CDT1: variants seen among roughly 807,000 people sequenced by gnomAD.
The protein encoded by CDT1 is chromatin licensing and DNA replication factor 1, also known as DNA replication factor Cdt1.
CDT1 carries 66 observed loss-of-function variants against 49.3 expected under a neutral mutation model. The ratio of observed to expected loss-of-function variants is 1.34; its 90% CI spans 1.10 to 1.64. The LOEUF (loss-of-function observed/expected upper bound fraction) is 1.64, where lower values mean the gene tolerates loss of function less well. CDT1 is among the 40% of genes most tolerant of loss of function. The probability of loss-of-function intolerance (pLI) is 0.00; values close to 1 mark genes in which losing one functional copy is unlikely to be tolerated. For synonymous variants in CDT1, 424 were observed against 347.4 expected, an observed-to-expected ratio of 1.22 and a Z score of -2.45; for missense variants, 958 against 807.7, an observed-to-expected ratio of 1.19 and a Z score of -2.26.
At chr16:88,804,351 G>A (rs1908762474) in intron 1 of CDT1, among the ~76,000 whole-genome samples, 194 bp from the exon 2 acceptor site, 1 of 152,168 alleles carries the variant, frequency 6.6e-6, no homozygotes, top group African/African-American at 2.4e-5. Flanking sequence ...GTCCGACCTG[G>A]AAACGGCCCC....
Position 88,807,275 on chromosome 16 carries a change from C to G in CDT1, c.1276-6C>G, listed in dbSNP as rs770408336. ...CCCACTAACCAGGTCCCGGTACCTG[C>G]TGCAGATCCGAGCCAAGGAGGCACA... On this transcript the variant is annotated splice_polypyrimidine_tract_variant and splice_region_variant and intron_variant, in intron 8 of 9. Coordinates refer to ENST00000301019, the MANE Select transcript of CDT1 (RefSeq NM_030928.4). The G allele has an allele frequency of 1.2e-5, 20 of 1,612,036 alleles. No homozygotes were observed. The highest frequency in any genetic ancestry group is 1.6e-5 in the Non-Finnish European group (19 of 1,179,882).
chr16:88,805,364 C>T (rs1908809818), intron 3 of CDT1, 76 bp from the exon 4 acceptor site: 1 of 1,560,858 alleles, frequency 6.4e-7, no homozygotes, highest in African/African-American at 1.4e-5. Context: ...GAGGGTCTCC[C>T]TGGCCGAGGG....
At position 88,808,397 on chromosome 16, in the gene CDT1, C is replaced by T; in HGVS notation, c.*119C>T. 8.2e-7 allele frequency: 1 copy of T among 1,225,838 alleles called. No homozygotes were observed. The highest frequency in any genetic ancestry group is 1.1e-6 in the Non-Finnish European group (1 of 887,586). The allele number at this position is 1,225,838 out of a possible 1,614,324, so 75.9% of individuals were successfully genotyped here. On this transcript the variant is annotated 3_prime_UTR_variant, in exon 10 of 10. Transcript: ENST00000301019. ...TTCCTTTCCCCAGCGCCCCTGAGGGCCAGAGGCAGATGTGGGCTGCAGGCT... is the reference window on the plus strand; with the variant it reads ...TTCCTTTCCCCAGCGCCCCTGAGGGTCAGAGGCAGATGTGGGCTGCAGGCT...
chr16:88,804,583 A>C lies in CDT1; in HGVS notation c.267A>C (p.Pro89=), dbSNP rs1415457143. The change falls in exon 2 of 10, where the codon CCA becomes CCC. Residue 89 remains proline (P), a synonymous_variant. Transcript: ENST00000301019. ...SPSTPEAPDI[P]ACPSPGQKIK... is the part of the protein sequence containing the mutation. ...GTACCCCCGAGGCCCCAGACATCCC[A>C]GCCTGCCCTTCTCCGGGCCAGAAGA... 2 of 1,612,930 alleles carry C rather than the reference A, an allele frequency of 1.2e-6. No individual in the cohort carries two copies. The highest frequency in any genetic ancestry group is 2.7e-5 in the African/African-American group (2 of 74,902).
In CDT1 at chr16:88,806,076, G is replaced by A. The variant is rs148645974; in HGVS notation, c.888G>A (p.Gln296=). 37 of 1,601,950 alleles carry A rather than the reference G, an allele frequency of 2.3e-5. No individual in the cohort carries two copies. Among genetic ancestry groups the A allele is most frequent in the Non-Finnish European group, 2.7e-5 (32 of 1,177,912 alleles). ...LTASRLLQRR[Q]IFSQKLVEHV... is the part of the protein sequence containing the mutation. ...CCTCGCGCCTCCTGCAGCGACGGCA[G>A]ATCTTCAGCCAGAAGCTGGTGGAGC... Residue 296 remains glutamine, a synonymous_variant, in exon 6 of 10, where the codon CAG becomes CAA. Transcript: ENST00000301019.
Position 88,805,889 on chromosome 16 carries a change from C to A in CDT1, c.832+20C>A. ...AGCAGGGTGAGTGCTGGGTGCGGGA[C>A]CTCGGTTTCCCCATCTGTGAGCCGC... On this transcript the variant is annotated intron_variant, in intron 5 of 9. Coordinates refer to ENST00000301019, the MANE Select transcript of CDT1 (RefSeq NM_030928.4). 1 of 1,611,650 alleles carries A rather than the reference C, an allele frequency of 6.2e-7. No individual in the cohort carries two copies. Among genetic ancestry groups the A allele is most frequent in the African/African-American group, 1.3e-5 (1 of 75,016 alleles).
rs377463829 is a variant in CDT1, at chr16:88,808,292, T to C, written c.*14T>C. ...GAGGGGCTGTGAGCCTGGGGGCCACTGTGGACAGACGTGGGCTTCAGAAGC... is the reference window on the plus strand; with the variant it reads ...GAGGGGCTGTGAGCCTGGGGGCCACCGTGGACAGACGTGGGCTTCAGAAGC... On this transcript the variant is annotated 3_prime_UTR_variant, in exon 10 of 10. Coordinates refer to ENST00000301019, the MANE Select transcript of CDT1 (RefSeq NM_030928.4). 205 of 1,573,562 alleles carry C rather than the reference T, an allele frequency of 1.3e-4. No homozygotes were observed. The highest frequency in any genetic ancestry group is 1.7e-4 in the Non-Finnish European group (196 of 1,159,652).
chr16:88,805,182 G>A (rs909083443), intron 3 of CDT1, among the ~76,000 whole-genome samples: 7 of 152,260 alleles, frequency 4.6e-5, no homozygotes, highest in Non-Finnish European at 1.0e-4. Context: ...GAGAGCTGAC[G>A]AAACTGCGCT....
At chr16:88,804,732 A>C (rs1176839734) in intron 2 of CDT1, 30 bp from the exon 3 acceptor site, 6 of 1,612,628 alleles carry the variant, frequency 3.7e-6, no homozygotes, top group Non-Finnish European at 4.2e-6. Flanking sequence ...TGCCTGCCTG[A>C]CGGCACCGTG....
In CDT1 at chr16:88,809,007, A is replaced by C. The variant is rs2142949216; in HGVS notation, c.*729A>C. On this transcript the variant is annotated 3_prime_UTR_variant, in exon 10 of 10. Transcript: ENST00000301019. The stretch of plus-strand genomic sequence containing the variant: ...AGAGCGAGACTCCGTCTCAAAAAAA[A>C]AAATTTCAAGACTGGAGAGGTGATC... 1 of 170,968 alleles carries C rather than the reference A, an allele frequency of 5.8e-6. No individual in the cohort carries two copies. 10.6% of individuals were successfully genotyped at this position (170,968 alleles called of 1,614,324 possible). A position where few individuals can be genotyped will look rare whatever the true frequency, so the allele number is the denominator to read the frequency against.
chr16:88,806,738 T>G lies in CDT1; in HGVS notation c.1122+64T>G, dbSNP rs375106342. The G allele has an allele frequency of 1.1e-3, 1,658 of 1,536,316 alleles. 15 individuals are homozygous for G. In the African/African-American group the frequency reaches 0.02, roughly 18 times the overall value. On this transcript the variant is annotated intron_variant, in intron 7 of 9. Coordinates refer to ENST00000301019, the MANE Select transcript of CDT1 (RefSeq NM_030928.4). ...TGGGTGGGCCAGCCTGACCCCAGGC[T>G]TAAGAGGTGGAAGCCTTGGTGATGA... is the stretch of plus-strand genomic sequence containing the variant.
chr16:88,808,385 C>A lies in CDT1; in HGVS notation c.*107C>A. Reference sequence around the variant, plus strand: ...TACACTTTGGCCTTCCTTTCCCCAGCGCCCCTGAGGGCCAGAGGCAGATGT... The same window carrying A: ...TACACTTTGGCCTTCCTTTCCCCAGAGCCCCTGAGGGCCAGAGGCAGATGT... On this transcript the variant is annotated 3_prime_UTR_variant, in exon 10 of 10. Transcript: ENST00000301019. The A allele has an allele frequency of 1.5e-6, 2 of 1,317,214 alleles. No individual in the cohort carries two copies. Among genetic ancestry groups the A allele is most frequent in the Non-Finnish European group, 2.1e-6 (2 of 967,640 alleles). The allele number at this position is 1,317,214 out of a possible 1,614,324, so 81.6% of individuals were successfully genotyped here. A position where few individuals can be genotyped will look rare whatever the true frequency, so the allele number is the denominator to read the frequency against.
In CDT1 at chr16:88,805,591, C is replaced by T. The variant is rs370127987; in HGVS notation, c.640C>T (p.Pro214Ser). 8.1e-6 allele frequency: 13 copies of T among 1,612,844 alleles called. No homozygotes were observed. In the African/African-American group the frequency reaches 9.3e-5, roughly 12 times the overall value. ...CATGCTCCACAACCGCTCCGAGACG[C>T]CCACCTTTGCCAAGGTCCAGCGGGG... ...VGMLHNRSET[P>S]TFAKVQRGVQ... The change falls in exon 4 of 10, where the codon CCC becomes TCC. Residue 214 changes from proline (P) to serine (S), a missense_variant. Physicochemically the swap from Pro to Ser is moderately conservative, Grantham distance 74. Transcript: ENST00000301019.
At position 88,805,443 on chromosome 16, in the gene CDT1, C is replaced by G; in HGVS notation, c.492C>G (p.Gly164=). 6.2e-7 allele frequency: 1 copy of G among 1,612,542 alleles called. No homozygotes were observed. The highest frequency in any genetic ancestry group is 8.5e-7 in the Non-Finnish European group (1 of 1,179,874). Residue 164 remains glycine (G), a synonymous_variant, in exon 4 of 10, where the codon GGC becomes GGG. Transcript: ENST00000301019. ...EAEGRPEEPC[G]EKAPAYQRFH... Reference sequence around the variant, plus strand: ...GAGGCTCCTCCCTCCCTGACAGTGGCGAGAAGGCGCCCGCCTACCAGCGCT... The same window carrying G: ...GAGGCTCCTCCCTCCCTGACAGTGGGGAGAAGGCGCCCGCCTACCAGCGCT...
Position 88,806,062 on chromosome 16 carries a change from C to T in CDT1, c.874C>T (p.Leu292=), listed in dbSNP as rs1270145532. ...AAPQLTASRL[L]QRRQIFSQKL... ...CCCCCAGCTCACGGCCTCGCGCCTC[C>T]TGCAGCGACGGCAGATCTTCAGCCA... Residue 292 remains leucine (L), a synonymous_variant, in exon 6 of 10, where the codon CTG becomes TTG. Coordinates refer to ENST00000301019, the MANE Select transcript of CDT1 (RefSeq NM_030928.4). The T allele has an allele frequency of 1.2e-6, 2 of 1,600,844 alleles. No individual in the cohort carries two copies. The highest frequency in any genetic ancestry group is 2.2e-5 in the South Asian group (2 of 89,844).
rs935099623 is a variant in CDT1, at chr16:88,808,658, C to A, written c.*380C>A. On this transcript the variant is annotated 3_prime_UTR_variant, in exon 10 of 10. Transcript: ENST00000301019. ...CAGGCCATCCCCTCTAATCTTGGAA[C>A]CTCTGAATATGGGACCTCCCACAGC... 5 of 264,898 alleles carry A rather than the reference C, an allele frequency of 1.9e-5. No homozygotes were observed. Among genetic ancestry groups the A allele is most frequent in the Non-Finnish European group, 3.7e-5 (5 of 136,960 alleles). The allele number at this position is 264,898 out of a possible 1,614,324, so 16.4% of individuals were successfully genotyped here.
At position 88,807,383 on chromosome 16, in the gene CDT1, G is replaced by A. The variant is rs528610361; in HGVS notation, c.1378G>A (p.Val460Met). 9.9e-6 allele frequency: 16 copies of A among 1,612,746 alleles called. No homozygotes were observed. The highest frequency in any genetic ancestry group is 6.7e-5 in the Admixed American group (4 of 60,026). ...RLERLPELAR[V>M]LRSVFVSERK... is the part of the protein sequence containing the mutation. ...AGAACGGCTGCCTGAGCTGGCCCGC[G>A]TGCTGCGGAGCGTCTTTGTGTCCGA... Residue 460 changes from valine to methionine, a missense_variant, in exon 9 of 10, where the codon GTG becomes ATG. Val to Met is a conservative substitution (Grantham distance 21). Transcript: ENST00000301019.
rs1276043683 is a variant in CDT1 at position 88,808,140 on chromosome 16, C to G, written c.1503C>G (p.Leu501=). 2 of 1,612,752 alleles carry G rather than the reference C, an allele frequency of 1.2e-6. No individual in the cohort carries two copies. Among genetic ancestry groups the G allele is most frequent in the Non-Finnish European group, 1.7e-6 (2 of 1,179,936 alleles). Residue 501 remains leucine (L), a synonymous_variant, in exon 10 of 10, where the codon CTC becomes CTG. Coordinates refer to ENST00000301019, the MANE Select transcript of CDT1 (RefSeq NM_030928.4). ...GGGAAATGGAGAAGCACCTGCTGCT[C>G]CTCTCCGAGCTGCTGCCGGACTGGC... ...SPGEMEKHLL[L]LSELLPDWLS...
Position 88,804,683 on chromosome 16 carries a change from T to C in CDT1, c.351+16T>C. On this transcript the variant is annotated intron_variant, in intron 2 of 9. Transcript: ENST00000301019. ...GCAGGACCAGGTGAGGGGCGGGGCC[T>C]GGGGCAGATGCGGGAGGGCTGAGTG... 6.2e-7 allele frequency: 1 copy of C among 1,612,296 alleles called. No individual in the cohort carries two copies. The highest frequency in any genetic ancestry group is 8.5e-7 in the Non-Finnish European group (1 of 1,179,740).
Sources: gnomAD v4.1 joint callset for allele counts (sites outside exome capture counted in the v4.1 genomes callset) on GRCh38, gnomAD v4.1.1 for gene constraint, MANE v1.5 for transcripts, NCBI Gene and HGNC (gene_info 2026-07-23, HGNC 2026-07-21) for gene names.